The following CLMP variants were observed in gnomAD, a reference collection of about 807,000 sequenced individuals.
CLMP encodes the protein CXADR like cell adhesion molecule.
CLMP carries 27 observed loss-of-function variants against 45.2 expected under a neutral mutation model. The observed-to-expected ratio is 0.60, with a 90% CI of 0.44 to 0.82. The LOEUF (loss-of-function observed/expected upper bound fraction) is 0.82. Among genes scored for constraint, CLMP ranks in the 40% least tolerant of loss-of-function variants. The probability of loss-of-function intolerance (pLI) is 0.00; values close to 1 mark genes in which losing one functional copy is unlikely to be tolerated. For missense variants in CLMP, 403 were observed against 448.4 expected (o/e 0.90, Z 0.91); for synonymous variants, 167 against 171.4 (o/e 0.97, Z 0.20).
At chr11:123,178,434 G>A (rs1000390012) in intron 1 of CLMP, among the ~76,000 whole-genome samples, 1 of 152,032 alleles carries the variant, frequency 6.6e-6, no homozygotes, top group South Asian at 2.1e-4. Context: ...TCTCATTTTC[G>A]CAAAGACACC....
chr11:123,086,409 A>T (rs1390840328), intron 2 of CLMP, among the ~76,000 whole-genome samples: 2 of 152,210 alleles, frequency 1.3e-5, no homozygotes, highest in Non-Finnish European at 2.9e-5. Context: ...GAAGGGCACT[A>T]AAAAAGGCAT....
At chr11:123,099,146 G>T (rs1345452029) in intron 1 of CLMP, among the ~76,000 whole-genome samples, 1 of 152,132 alleles carries the variant, frequency 6.6e-6, no homozygotes, top group Admixed American at 6.5e-5. Flanking sequence ...CTGTGTTTTT[G>T]ATCTTTCTGT....
intron 1 of CLMP, among the ~76,000 whole-genome samples, chr11:123,186,807 GC>G (rs980015815): frequency 6.6e-6 from 1 of 152,172 alleles, no homozygotes; most frequent in African/African-American, 2.4e-5. Context: ...ACAGGCATGA[GC>G]CAGAGCCTGG....
intron 5 of CLMP, 87 bp downstream of exon 5, chr11:123,082,992 CCTTACT>C (rs1865823186): frequency 4.1e-6 from 6 of 1,478,886 alleles, no homozygotes; most frequent in Admixed American, 1.9e-5. Flanking sequence ...TTGACCTTAA[CCTTACT>C]CTTACTTATG....
intron 1 of CLMP, among the ~76,000 whole-genome samples, chr11:123,149,706 G>T (rs112046951): frequency 1.1e-3 from 174 of 152,266 alleles, no homozygotes; most frequent in African/African-American, 3.9e-3. Context: ...CCCTGGAACT[G>T]GGAACAAGTG....
chr11:123,116,496 A>G (rs1430515319), intron 1 of CLMP, among the ~76,000 whole-genome samples: 2 of 150,546 alleles, frequency 1.3e-5, no homozygotes, highest in South Asian at 2.1e-4. Context: ...TGAACCCAGG[A>G]GGTGGAGGTC....
chr11:123,142,173 T>A (rs1015477054), intron 1 of CLMP, among the ~76,000 whole-genome samples: 5 of 152,026 alleles, frequency 3.3e-5, no homozygotes, highest in Non-Finnish European at 5.9e-5. Context: ...TTTGTAGAGA[T>A]GGAGTTTTGC....
intron 1 of CLMP, among the ~76,000 whole-genome samples, chr11:123,186,301 G>A (rs1022142039): frequency 1.3e-5 from 2 of 152,298 alleles, no homozygotes; most frequent in South Asian, 2.1e-4. Context: ...ACTTAACACT[G>A]AAAGCAGAAA....
At chr11:123,173,288 C>G (rs1861660252) in intron 1 of CLMP, among the ~76,000 whole-genome samples, 1 of 152,214 alleles carries the variant, frequency 6.6e-6, no homozygotes, top group Non-Finnish European at 1.5e-5. Context: ...CTGGAGCCAG[C>G]ACATAGCCTG....
intron 1 of CLMP, among the ~76,000 whole-genome samples, chr11:123,179,574 A>T (rs566262388): frequency 6.6e-6 from 1 of 152,262 alleles, no homozygotes; most frequent in African/African-American, 2.4e-5. Context: ...GGGGGTTTGG[A>T]AATTCTGGGG....
chr11:123,136,456 T>G, intron 1 of CLMP: 1 of 238,686 alleles, frequency 4.2e-6, no homozygotes, highest in Non-Finnish European at 7.0e-6. Context: ...CACCCCACCC[T>G]CCTCTCCCTG....
intron 1 of CLMP, among the ~76,000 whole-genome samples, chr11:123,119,172 C>A (rs1860776859): frequency 6.6e-6 from 1 of 151,246 alleles, no homozygotes; most frequent in Non-Finnish European, 1.5e-5. Context: ...CAACCTCCAC[C>A]TCCCGGGATC....
At chr11:123,131,595 A>G (rs1365760214) in intron 1 of CLMP, among the ~76,000 whole-genome samples, 1 of 150,716 alleles carries the variant, frequency 6.6e-6, no homozygotes, top group East Asian at 2.0e-4. Flanking sequence ...ACCTTAATCT[A>G]TCTTTCTTTC....
intron 1 of CLMP, chr11:123,136,276 A>G: frequency 1.5e-6 from 1 of 650,512 alleles, no homozygotes. Flanking sequence ...AACTGTGGCC[A>G]AACACTGGAT....
chr11:123,102,197 T>A (rs2135483739), intron 1 of CLMP, among the ~76,000 whole-genome samples: 1 of 149,234 alleles, frequency 6.7e-6, no homozygotes, highest in African/African-American at 2.5e-5. Context: ...AAAAAAAAAA[T>A]AAGATATGCA....
At position 123,104,246 on chromosome 11, in the gene CLMP, C is replaced by T. The variant is rs187422823; in HGVS notation, c.29-6294G>A. On this transcript the variant is annotated intron_variant, in intron 1 of 6. Coordinates refer to ENST00000448775, the MANE Select transcript of CLMP (RefSeq NM_024769.5). ...GGGATTACAGGGTTGCACCACCCAC[C>T]GAGCTATTTTTTTTAGTAGAGATGG... 2.0e-5 allele frequency among the ~76,000 whole-genome samples: 3 copies of T among 149,916 alleles called. No homozygotes were observed. The Admixed American group carries it at 2.0e-4, about 10-fold the overall frequency.
At chr11:123,158,501 G>A (rs1861443878) in intron 1 of CLMP, among the ~76,000 whole-genome samples, 1 of 152,152 alleles carries the variant, frequency 6.6e-6, no homozygotes, top group South Asian at 2.1e-4. Flanking sequence ...TTGCAGCCCT[G>A]GGTGGACCTG....
rs936947521 is a variant in CLMP at position 123,073,357 on chromosome 11, A to G, written c.*117T>C. The G allele has an allele frequency of 2.7e-6, 3 of 1,131,442 alleles. No individual in the cohort carries two copies. In the African/African-American group the frequency reaches 4.8e-5, roughly 18 times the overall value. The allele number at this position is 1,131,442 out of a possible 1,614,324, so 70.1% of individuals were successfully genotyped here. On this transcript the variant is annotated 3_prime_UTR_variant, in exon 7 of 7. Transcript: ENST00000448775. The stretch of plus-strand genomic sequence containing the variant: ...TCTGAATCTGTTCCGTGCAATGCTC[A>G]CTGCTACTTAGATGACCTCTCATCT...
intron 1 of CLMP, among the ~76,000 whole-genome samples, chr11:123,159,268 A>T (rs1363203166): frequency 6.6e-6 from 1 of 152,256 alleles, no homozygotes; most frequent in Non-Finnish European, 1.5e-5. Context: ...AGCCTTCCAG[A>T]ATGTGCTCAT....
Sources: gnomAD v4.1 joint callset for allele counts (sites outside exome capture counted in the v4.1 genomes callset) on GRCh38, gnomAD v4.1.1 for gene constraint, MANE v1.5 for transcripts, NCBI Gene and HGNC (gene_info 2026-07-23, HGNC 2026-07-21) for gene names.